Variants in KDM3A observed in about 807,000 individuals in gnomAD.
The protein encoded by KDM3A is lysine demethylase 3A.
A neutral mutation model predicts 158.0 loss-of-function variants in KDM3A; 60 were observed. The observed-to-expected ratio is 0.38, with a 90% CI of 0.31 to 0.47. The LOEUF (loss-of-function observed/expected upper bound fraction) is 0.47. KDM3A is among the 20% of genes least tolerant of loss of function. KDM3A has a pLI of 0.99. For synonymous variants in KDM3A, 608 were observed against 549.3 expected, an observed-to-expected ratio of 1.11 and a Z score of -1.49; for missense variants, 1,319 against 1,574.3, an observed-to-expected ratio of 0.84 and a Z score of 2.74.
At chr2:86,451,655 A>G (rs772742652) in intron 4 of KDM3A, among the ~76,000 whole-genome samples, 2 of 152,156 alleles carry the variant, frequency 1.3e-5, no homozygotes, top group Admixed American at 6.6e-5. Context: ...ACAGTCCACA[A>G]CTGTGTTGTT....
intron 9 of KDM3A, among the ~76,000 whole-genome samples, chr2:86,465,388 T>G (rs531144063): frequency 2.6e-5 from 4 of 151,990 alleles, no homozygotes; most frequent in Non-Finnish European, 5.9e-5. Context: ...GTTTGTTAGT[T>G]TTTTTTTAGT....
At chr2:86,456,899 T>A in intron 7 of KDM3A, 22 bp downstream of exon 7, 1 of 1,586,614 alleles carries the variant, frequency 6.3e-7, no homozygotes, top group Non-Finnish European at 8.6e-7. Flanking sequence ...TATTAAAATC[T>A]TTCTTCTCCT....
Position 86,478,170 on chromosome 2 carries a change from G to T in KDM3A, c.2093G>T (p.Gly698Val). The T allele has an allele frequency of 1.2e-6, 2 of 1,613,678 alleles. No homozygotes were observed. Among genetic ancestry groups the T allele is most frequent in the Non-Finnish European group, 1.7e-6 (2 of 1,179,596 alleles). ...YRMKRKNCQQ[G>V]AAYKTFSWLK... ...GTTACTACAAATCAGTTATTTGCAG[G>T]TGCTGCTTACAAGACTTTCTCTTGG... Residue 698 changes from glycine (G) to valine (V), a missense_variant and splice_region_variant, in exon 14 of 26, where the codon GGT becomes GTT. By Grantham distance (109) the Gly-to-Val change is moderately radical. Around this residue, in one of 4 missense-constraint regions of KDM3A, gnomAD observed 368 missense variants for 415.8 expected, o/e 0.89. Coordinates refer to ENST00000312912, the MANE Select transcript of KDM3A (RefSeq NM_018433.6).
Position 86,457,079 on chromosome 2 carries a change from T to G in KDM3A, c.843+8T>G, listed in dbSNP as rs1289012066. The G allele has an allele frequency of 1.4e-6, 2 of 1,476,330 alleles. No homozygotes were observed. The highest frequency in any genetic ancestry group is 1.8e-6 in the Non-Finnish European group (2 of 1,081,442). The allele number at this position is 1,476,330 out of a possible 1,614,324, so 91.5% of individuals were successfully genotyped here. ...GCAAAATCTTGCTCTGAGGTAACCT[T>G]TATTTATGTCACTTGTGTAAAGCTT... On this transcript the variant is annotated splice_region_variant and intron_variant, in intron 8 of 25. Coordinates refer to ENST00000312912, the MANE Select transcript of KDM3A (RefSeq NM_018433.6).
chr2:86,439,260 G>C (rs546232014), upstream of KDM3A, among the ~76,000 whole-genome samples: 1 of 152,004 alleles, frequency 6.6e-6, no homozygotes, highest in African/African-American at 2.4e-5. Flanking sequence ...CTGTCATGGT[G>C]AATTTTAGTA....
rs1321247491 is a variant in KDM3A at position 86,450,019 on chromosome 2, G to GGT, written c.342+58_342+59dup. ...AGAAGAGGGCATTTTATCCATTGTGGGTACAAAAGGAATATGTAAATGTAA... is the reference window on the plus strand; with the variant it reads ...AGAAGAGGGCATTTTATCCATTGTGGGTGTACAAAAGGAATATGTAAATGTAA... On this transcript the variant is annotated intron_variant, in intron 3 of 25. Coordinates refer to ENST00000312912, the MANE Select transcript of KDM3A (RefSeq NM_018433.6). 6 of 1,499,246 alleles carry GGT rather than the reference G, an allele frequency of 4.0e-6. No homozygotes were observed. In the East Asian group the frequency reaches 1.4e-4, roughly 36 times the overall value. 92.9% of individuals were successfully genotyped at this position (1,499,246 alleles called of 1,614,324 possible). A position where few individuals can be genotyped will look rare whatever the true frequency, so the allele number is the denominator to read the frequency against.
In KDM3A at chr2:86,464,137, C is replaced by T. The variant is rs1466194033; in HGVS notation, c.928C>T (p.Pro310Ser). ...ILLGCTAATP[P>S]SKDPRQQSTP... ...GCTTGGCTGTACTGCGGCAACTCCA[C>T]CTAGTAAGGACCCAAGACAGCAAAG... The change falls in exon 9 of 26, where the codon CCT (proline) becomes TCT (serine). Residue 310 changes from proline to serine, a missense_variant. This residue lies in a region of KDM3A where 652 missense variants were observed against 627.2 expected (regional missense o/e 1.04). Transcript: ENST00000312912. The T allele has an allele frequency of 2.5e-6, 4 of 1,612,746 alleles. No homozygotes were observed. The highest frequency in any genetic ancestry group is 3.3e-5 in the Admixed American group (2 of 59,894).
chr2:86,485,694 T>C (rs1490939841), intron 20 of KDM3A, 35 bp from the exon 21 acceptor site: 1 of 1,606,854 alleles, frequency 6.2e-7, no homozygotes, highest in African/African-American at 1.3e-5. Context: ...AGAAAAGCAA[T>C]CTAACTTTGC....
At chr2:86,477,066 AT>A (rs558019493) in intron 12 of KDM3A, among the ~76,000 whole-genome samples, 121 of 152,202 alleles carry the variant, frequency 7.9e-4, no homozygotes, top group African/African-American at 2.4e-3. Flanking sequence ...TGGTTCCCTG[AT>A]TTGGCACTCC....
At chr2:86,465,186 A>C (rs1673082138) in intron 9 of KDM3A, among the ~76,000 whole-genome samples, 1 of 152,224 alleles carries the variant, frequency 6.6e-6, no homozygotes, top group Non-Finnish European at 1.5e-5. Context: ...GCTAAGAAAC[A>C]AAAGTTCTTC....
chr2:86,491,346 A>C, intron 25 of KDM3A, 71 bp downstream of exon 25: 1 of 1,503,254 alleles, frequency 6.7e-7, no homozygotes, highest in Non-Finnish European at 9.2e-7. Flanking sequence ...TTCACCTTAT[A>C]AAGAGAGTCA....
chr2:86,462,193 G>A (rs372544187), intron 8 of KDM3A, among the ~76,000 whole-genome samples: 36 of 148,414 alleles, frequency 2.4e-4, no homozygotes, highest in African/African-American at 8.8e-4. Flanking sequence ...TGGGAAATTA[G>A]ATGGAGGGTT....
chr2:86,474,625 C>T (rs1673568237), intron 11 of KDM3A, 151 bp from the exon 12 acceptor site: 1 of 583,454 alleles, frequency 1.7e-6, no homozygotes, highest in Non-Finnish European at 3.0e-6. Context: ...GATGGCACCA[C>T]TGCACTCCAG....
chr2:86,438,944 A>G (rs1682541554), upstream of KDM3A, among the ~76,000 whole-genome samples: 1 of 152,142 alleles, frequency 6.6e-6, no homozygotes, highest in African/African-American at 2.4e-5. Context: ...TATGCATTAC[A>G]TTCCATTTAT....
upstream of KDM3A, among the ~76,000 whole-genome samples, chr2:86,437,361 C>G (rs1196554381): frequency 1.3e-5 from 2 of 152,082 alleles, no homozygotes; most frequent in Non-Finnish European, 2.9e-5. Context: ...AGGCTGGTCT[C>G]AAACTCCTGA....
intron 11 of KDM3A, among the ~76,000 whole-genome samples, chr2:86,471,233 GTA>G (rs1315908203): frequency 6.6e-6 from 1 of 151,658 alleles, no homozygotes; most frequent in African/African-American, 2.4e-5. Flanking sequence ...GTGTGTGTGT[GTA>G]TGTATATGTG....
intron 4 of KDM3A, among the ~76,000 whole-genome samples, chr2:86,452,807 T>C (rs991181993): frequency 7.9e-5 from 12 of 152,196 alleles, no homozygotes; most frequent in Admixed American, 3.3e-4. Flanking sequence ...CTTCCATATC[T>C]GGAAAGTGAG....
chr2:86,469,151 A>G (rs560159592), intron 10 of KDM3A, among the ~76,000 whole-genome samples: 14 of 152,316 alleles, frequency 9.2e-5, no homozygotes, highest in Admixed American at 8.5e-4. Flanking sequence ...AGAAATTTAC[A>G]TGTGGTCTAG....
At chr2:86,469,488 T>C (rs1174931213) in intron 10 of KDM3A, among the ~76,000 whole-genome samples, 1 of 152,254 alleles carries the variant, frequency 6.6e-6, no homozygotes, top group Non-Finnish European at 1.5e-5. Flanking sequence ...TCTTTCCTGA[T>C]ACATGTCTAC....
Sources: gnomAD v4.1 joint callset for allele counts (sites outside exome capture counted in the v4.1 genomes callset) on GRCh38, gnomAD v4.1.1 for gene constraint, gnomAD v4.1.1 regional missense constraint, MANE v1.5 for transcripts, NCBI Gene and HGNC (gene_info 2026-07-23, HGNC 2026-07-21) for gene names.